The following GPI variants were observed in gnomAD, a reference collection of about 807,000 sequenced individuals.
The protein encoded by GPI is glucose-6-phosphate isomerase, also known as D-hexose-6-phosphate anomerase.
In GPI, 56 loss-of-function variants were observed where a neutral mutation model predicts 75.8. That is an observed-to-expected ratio of 0.74 (90% confidence interval 0.60 to 0.92). The LOEUF (loss-of-function observed/expected upper bound fraction) is 0.92, where lower values mean the gene tolerates loss of function less well. Ranked by LOEUF, GPI falls within the 40% of genes least tolerant of loss-of-function variation. The pLI, the probability that GPI is intolerant of heterozygous loss-of-function variation, is 0.00. For synonymous variants in GPI, 288 were observed against 285.4 expected, an observed-to-expected ratio of 1.01 and a Z score of -0.09; for missense variants, 638 against 741.0, an observed-to-expected ratio of 0.86 and a Z score of 1.61.
Position 34,368,765 on chromosome 19 carries a change from A to G in GPI, c.402+63A>G, listed in dbSNP as rs999034943. The stretch of plus-strand genomic sequence containing the variant: ...TGTGTGAGTTATTTGGGAATCTGGG[A>G]GCCCTAAGGGGCAGCTCTTCCCTCT... On this transcript the variant is annotated intron_variant, in intron 4 of 17. Transcript: ENST00000356487. The G allele has an allele frequency of 1.7e-5, 27 of 1,594,660 alleles. No homozygotes were observed. In the Admixed American group the frequency reaches 4.5e-4, roughly 27 times the overall value.
chr19:34,400,396 G>A lies in GPI; in HGVS notation c.*360G>A, dbSNP rs768023166. On this transcript the variant is annotated 3_prime_UTR_variant, in exon 18 of 18. Transcript: ENST00000356487. ...GCTTTATGTAGCAGAGGGCAGGAGCGCTCAGCAGGACGCAGGCTGTGCCTC... is the reference window on the plus strand; with the variant it reads ...GCTTTATGTAGCAGAGGGCAGGAGCACTCAGCAGGACGCAGGCTGTGCCTC... The A allele has an allele frequency of 5.0e-6, 3 of 594,288 alleles. No homozygotes were observed. Among genetic ancestry groups the A allele is most frequent in the South Asian group, 4.1e-5 (2 of 48,224 alleles). The allele number at this position is 594,288 out of a possible 1,614,324, so 36.8% of individuals were successfully genotyped here. A position where few individuals can be genotyped will look rare whatever the true frequency, so the allele number is the denominator to read the frequency against.
rs2301263 is a variant in GPI at position 34,399,417 on chromosome 19, G to A, written c.1398+82G>A. 1,254,832 of 1,592,794 alleles carry A rather than the reference G, an allele frequency of 0.79. 505,099 individuals carry two copies. Among genetic ancestry groups the A allele is most frequent in the Non-Finnish European group, 0.83 (966,871 of 1,161,502 alleles). ...ATGGCACCAGGCAGGGGCTTGGGGC[G>A]TGCCTGGCTTGTCCTACAGAATGGG... On this transcript the variant is annotated intron_variant, in intron 15 of 17. Coordinates refer to ENST00000356487, the MANE Select transcript of GPI (RefSeq NM_000175.5).
Position 34,400,469 on chromosome 19 carries a change from G to T in GPI, c.*433G>T, listed in dbSNP as rs1475163074. ...GTGAGCGGGTCTAGAGTGGAGCAAGGTGCCCTGAGAAGACAATAGTGGGGT... is the reference window on the plus strand; with the variant it reads ...GTGAGCGGGTCTAGAGTGGAGCAAGTTGCCCTGAGAAGACAATAGTGGGGT... On this transcript the variant is annotated 3_prime_UTR_variant, in exon 18 of 18. Transcript: ENST00000356487. The T allele has an allele frequency of 1.1e-5, 6 of 545,908 alleles. No homozygotes were observed. Among genetic ancestry groups the T allele is most frequent in the Non-Finnish European group, 1.6e-5 (5 of 312,212 alleles). 33.8% of individuals were successfully genotyped at this position (545,908 alleles called of 1,614,324 possible). A position where few individuals can be genotyped will look rare whatever the true frequency, so the allele number is the denominator to read the frequency against.
intron 9 of GPI, among the ~76,000 whole-genome samples, chr19:34,386,955 C>T (rs143668928): frequency 3.9e-5 from 6 of 152,256 alleles, no homozygotes; most frequent in African/African-American, 7.2e-5. Context: ...TTGGTGCTGA[C>T]GTTAAGCAGA....
intron 1 of GPI, chr19:34,365,945 C>A (rs1215496462): frequency 4.0e-6 from 2 of 494,746 alleles, no homozygotes; most frequent in Non-Finnish European, 7.9e-6. Flanking sequence ...GCCAAGGGAG[C>A]TCTGATCACT....
rs970122191 is a variant in GPI, at chr19:34,365,612, T to C, written c.122+224T>C. The C allele has an allele frequency of 2.4e-5, 18 of 764,594 alleles. No individual in the cohort carries two copies. The East Asian group carries it at 3.2e-4, about 14-fold the overall frequency. The allele number at this position is 764,594 out of a possible 1,614,324, so 47.4% of individuals were successfully genotyped here. A position where few individuals can be genotyped will look rare whatever the true frequency, so the allele number is the denominator to read the frequency against. ...CCGGGAGTCTCGGCCCCGGGTCTGC[T>C]TCGTTACGAGGAAAAACGGGCCCCT... On this transcript the variant is annotated intron_variant, in intron 1 of 17. Transcript: ENST00000356487.
chr19:34,362,463 A>G (rs2145304090), upstream of GPI, among the ~76,000 whole-genome samples: 1 of 152,318 alleles, frequency 6.6e-6, no homozygotes, highest in Middle Eastern at 3.4e-3. Flanking sequence ...AATGGCAATC[A>G]TCAGAGGCCT....
At chr19:34,381,371 C>A (rs2074648206) in intron 8 of GPI, 95 bp from the exon 9 acceptor site, 1 of 861,470 alleles carries the variant, frequency 1.2e-6, no homozygotes, top group Admixed American at 1.7e-5. Flanking sequence ...AGGCTCAGCT[C>A]ACGGAGCACA....
At chr19:34,360,135 C>T (rs758574111), upstream of GPI, among the ~76,000 whole-genome samples, 10 of 152,114 alleles carry the variant, frequency 6.6e-5, no homozygotes, top group Non-Finnish European at 1.5e-4. Context: ...GGCTAGGTTT[C>T]CTTTCGATTC....
upstream of GPI, among the ~76,000 whole-genome samples, chr19:34,361,372 G>A (rs182095048): frequency 6.6e-6 from 1 of 152,204 alleles, no homozygotes; most frequent in Admixed American, 6.5e-5. Context: ...GATTACAGGC[G>A]TGAGCCACCG....
At chr19:34,369,077 C>T (rs1258117581) in intron 4 of GPI, among the ~76,000 whole-genome samples, 1 of 149,796 alleles carries the variant, frequency 6.7e-6, no homozygotes, top group African/African-American at 2.5e-5. Flanking sequence ...GAGATGGAGT[C>T]TCACTCTCTC....
At chr19:34,377,467 G>A (rs2074564110) in intron 4 of GPI, 36 bp from the exon 5 acceptor site, 1 of 1,475,766 alleles carries the variant, frequency 6.8e-7, no homozygotes, top group African/African-American at 1.4e-5. Flanking sequence ...TTATGCCTGG[G>A]GGTTTGGGCT....
intron 9 of GPI, among the ~76,000 whole-genome samples, chr19:34,388,476 C>CAA (rs11430472): frequency 1.3e-5 from 2 of 149,934 alleles, no homozygotes; most frequent in Admixed American, 6.6e-5. Flanking sequence ...GACCCTGTCT[C>CAA]AAAAAAAAAG....
intron 2 of GPI, 109 bp from the exon 3 acceptor site, chr19:34,366,674 C>T: frequency 1.2e-6 from 1 of 823,298 alleles, no homozygotes; most frequent in African/African-American, 1.7e-5. Context: ...AACCAGACAG[C>T]AGCCGTCTGT....
chr19:34,364,101 G>A (rs2145307481), upstream of GPI, among the ~76,000 whole-genome samples: 1 of 152,020 alleles, frequency 6.6e-6, no homozygotes, highest in Non-Finnish European at 1.5e-5. Flanking sequence ...GGTAATCACG[G>A]CAGCCTCTAA....
upstream of GPI, chr19:34,360,022 T>C (rs2074292842): frequency 6.6e-6 from 1 of 152,336 alleles, no homozygotes; most frequent in Admixed American, 6.5e-5. Flanking sequence ...TTGCCTCTGC[T>C]GTCAGGTGTA....
At chr19:34,364,943 T>C (rs1245295606), upstream of GPI, 1 of 1,524,152 alleles carries the variant, frequency 6.6e-7, no homozygotes, top group Non-Finnish European at 8.8e-7. Flanking sequence ...ACACCTGGGC[T>C]CCAGTGATCC....
At chr19:34,375,286 G>A (rs976392878) in intron 4 of GPI, among the ~76,000 whole-genome samples, 2 of 151,914 alleles carry the variant, frequency 1.3e-5, no homozygotes, top group Admixed American at 1.3e-4. Context: ...GAGATTACAG[G>A]CACACGCCAC....
intron 14 of GPI, chr19:34,398,474 T>G (rs1224751841): frequency 6.6e-6 from 1 of 152,064 alleles, no homozygotes; most frequent in African/African-American, 2.4e-5. Flanking sequence ...CCTTAGGATC[T>G]TAGTATTATT....
Sources: allele counts gnomAD v4.1 joint callset (sites outside exome capture counted in the v4.1 genomes callset), GRCh38; gene constraint gnomAD v4.1.1; transcripts MANE v1.5; gene names NCBI Gene and HGNC (gene_info 2026-07-23, HGNC 2026-07-21).